CDK17: variants seen among roughly 807,000 people sequenced by gnomAD.
The protein encoded by CDK17 is cyclin dependent kinase 17, also known as cyclin-dependent kinase 17.
Under a neutral mutation model 77.6 loss-of-function variants are expected in CDK17, and 24 were observed. The observed-to-expected ratio is 0.31, with a 90% confidence interval of 0.22 to 0.44. The LOEUF (loss-of-function observed/expected upper bound fraction) is 0.44, where lower values mean the gene tolerates loss of function less well. Ranked by LOEUF, CDK17 falls within the 20% of genes least tolerant of loss-of-function variation. The pLI, the probability that CDK17 is intolerant of heterozygous loss-of-function variation, is 1.00. For missense variants in CDK17, 429 were observed against 622.5 expected (o/e 0.69, Z 3.31); for synonymous variants, 203 against 210.4 (o/e 0.96, Z 0.30).
intron 1 of CDK17, among the ~76,000 whole-genome samples, chr12:96,394,266 A>G (rs74618282): frequency 0.021 from 3,225 of 152,054 alleles, 105 homozygotes; most frequent in African/African-American, 0.074. Context: ...AAAATTTCTC[A>G]CAAGTATTTA....
chr12:96,343,416 T>C (rs1008228224), intron 1 of CDK17, among the ~76,000 whole-genome samples: 1 of 152,196 alleles, frequency 6.6e-6, no homozygotes, highest in African/African-American at 2.4e-5. Context: ...GAGAATTTTG[T>C]CCTCCAAAAA....
rs774524581 is a variant in CDK17, at chr12:96,286,774, T to C, written c.1119-13A>G. The C allele has an allele frequency of 2.5e-6, 4 of 1,578,548 alleles. No individual in the cohort carries two copies. Among genetic ancestry groups the C allele is most frequent in the East Asian group, 2.2e-5 (1 of 44,604 alleles). Reference sequence around the variant, plus strand: ...GCAACCAACACCCCTTTAAAATAGATCATGAAAATAATTTAGCAATTCATT... The same window carrying C: ...GCAACCAACACCCCTTTAAAATAGACCATGAAAATAATTTAGCAATTCATT... On this transcript the variant is annotated splice_polypyrimidine_tract_variant and intron_variant, in intron 11 of 16. Coordinates refer to ENST00000261211, the MANE Select transcript of CDK17 (RefSeq NM_002595.5).
intron 1 of CDK17, among the ~76,000 whole-genome samples, chr12:96,361,261 C>G (rs1172330964): frequency 6.6e-6 from 1 of 152,112 alleles, no homozygotes; most frequent in African/African-American, 2.4e-5. Flanking sequence ...AACCATTTGC[C>G]ACTCCTTTTC....
At chr12:96,352,838 CT>C (rs1953331475) in intron 1 of CDK17, among the ~76,000 whole-genome samples, 1 of 152,264 alleles carries the variant, frequency 6.6e-6, no homozygotes, top group Admixed American at 6.5e-5. Context: ...TATTTTGCTA[CT>C]CAAATAGATG....
At chr12:96,341,832 A>G (rs1018060314) in intron 1 of CDK17, among the ~76,000 whole-genome samples, 12 of 152,212 alleles carry the variant, frequency 7.9e-5, no homozygotes, top group African/African-American at 2.9e-4. Context: ...ACTTGCAGTA[A>G]GAAACTCTTT....
rs150281854 is a variant in CDK17 at position 96,349,667 on chromosome 12, T to G, written c.-29-14802A>C. The stretch of plus-strand genomic sequence containing the variant: ...TAAAAACTCACAGCTAATATCGTAT[T>G]CAATGGTGAAAGACTGAAAGCTTTT... On this transcript the variant is annotated intron_variant, in intron 1 of 16. Coordinates refer to ENST00000261211, the MANE Select transcript of CDK17 (RefSeq NM_002595.5). Among the ~76,000 whole-genome samples, 65 of 152,266 alleles carry G rather than the reference T, an allele frequency of 4.3e-4. 1 individual carries two copies. In the East Asian group the frequency reaches 0.012, roughly 28 times the overall value.
At chr12:96,288,795 A>G (rs980265846) in intron 11 of CDK17, among the ~76,000 whole-genome samples, 2 of 152,222 alleles carry the variant, frequency 1.3e-5, no homozygotes, top group Admixed American at 1.3e-4. Context: ...TGATAAAATG[A>G]TAATTTTGTT....
At chr12:96,306,257 T>A (rs949092072) in intron 5 of CDK17, among the ~76,000 whole-genome samples, 4 of 152,210 alleles carry the variant, frequency 2.6e-5, no homozygotes, top group African/African-American at 9.6e-5. Flanking sequence ...CTACTCATTA[T>A]ATATTGCCAT....
At chr12:96,368,732 T>C (rs1020171545) in intron 1 of CDK17, among the ~76,000 whole-genome samples, 1 of 146,400 alleles carries the variant, frequency 6.8e-6, no homozygotes, top group African/African-American at 2.5e-5. Flanking sequence ...ACCATAATAC[T>C]GGCTCCAGAG....
At position 96,400,331 on chromosome 12, in the gene CDK17, G is replaced by C; in HGVS notation, c.-375C>G. ...GGCTGAGACTGTCTGGCCGGGCGCT[G>C]GCTCCTTCTCCGCGGCTCTGCGGCG... is the stretch of plus-strand genomic sequence containing the variant. On this transcript the variant is annotated 5_prime_UTR_variant, in exon 1 of 17. Transcript: ENST00000261211. The C allele has an allele frequency of 2.6e-6, 1 of 388,320 alleles. No individual in the cohort carries two copies. Among genetic ancestry groups the C allele is most frequent in the Non-Finnish European group, 4.6e-6 (1 of 219,520 alleles). The allele number at this position is 388,320 out of a possible 1,614,324, so 24.1% of individuals were successfully genotyped here. A position where few individuals can be genotyped will look rare whatever the true frequency, so the allele number is the denominator to read the frequency against.
At chr12:96,369,739 A>G (rs1473999367) in intron 1 of CDK17, among the ~76,000 whole-genome samples, 1 of 152,176 alleles carries the variant, frequency 6.6e-6, no homozygotes, top group African/African-American at 2.4e-5. Context: ...AGATGGGGCC[A>G]CTGGGCTCCA....
At chr12:96,331,646 T>C (rs719042) in intron 2 of CDK17, among the ~76,000 whole-genome samples, 12,995 of 152,142 alleles carry the variant, frequency 0.085, 752 homozygotes, top group South Asian at 0.22. Flanking sequence ...AGAGATAATA[T>C]CTCATTTGGG....
At chr12:96,398,248 A>G (rs1193299974) in intron 1 of CDK17, among the ~76,000 whole-genome samples, 4 of 152,200 alleles carry the variant, frequency 2.6e-5, no homozygotes, top group Non-Finnish European at 5.9e-5. Context: ...AACATAAAAA[A>G]GAATTTAAGG....
intron 1 of CDK17, chr12:96,335,122 T>G (rs1041566130): frequency 8.0e-6 from 4 of 501,886 alleles, no homozygotes; most frequent in Non-Finnish European, 1.5e-5. Context: ...CAAATAAGTT[T>G]AGAAGGATTG....
At chr12:96,307,020 G>A (rs1952584449) in intron 5 of CDK17, among the ~76,000 whole-genome samples, 1 of 150,470 alleles carries the variant, frequency 6.6e-6, no homozygotes, top group South Asian at 2.2e-4. Context: ...GGCAGGCCAG[G>A]CGCAGGGGCT....
chr12:96,307,867 TCACACACACAGA>T (rs1412747242), intron 5 of CDK17, among the ~76,000 whole-genome samples: 3 of 151,556 alleles, frequency 2.0e-5, no homozygotes, highest in East Asian at 3.9e-4. Flanking sequence ...ACACTCTGTC[TCACACACACAGA>T]CACACACACA....
intron 1 of CDK17, among the ~76,000 whole-genome samples, chr12:96,389,047 T>TTA (rs1954021584): frequency 1.4e-5 from 2 of 141,780 alleles, no homozygotes; most frequent in Admixed American, 7.3e-5. Context: ...TATTATTATT[T>TTA]TTTGAGACAG....
Position 96,311,020 on chromosome 12 carries a change from G to T in CDK17, c.543+32C>A, listed in dbSNP as rs757989291. ...AAGCAGCAAACAAGCAGATCTGATT[G>T]ATGGTGGAGGTATAGGAGACCAAAA... On this transcript the variant is annotated intron_variant, in intron 5 of 16. Coordinates refer to ENST00000261211, the MANE Select transcript of CDK17 (RefSeq NM_002595.5). 3.2e-6 allele frequency: 5 copies of T among 1,569,890 alleles called. No homozygotes were observed. In the South Asian group the frequency reaches 6.1e-5, roughly 19 times the overall value.
chr12:96,326,413 T>C (rs1287612680), intron 2 of CDK17, among the ~76,000 whole-genome samples: 1 of 152,202 alleles, frequency 6.6e-6, no homozygotes, highest in Non-Finnish European at 1.5e-5. Context: ...TTACACTGTA[T>C]ATTGAGGAAA....
Sources: gnomAD v4.1 joint callset for allele counts (sites outside exome capture counted in the v4.1 genomes callset) on GRCh38, gnomAD v4.1.1 for gene constraint, MANE v1.5 for transcripts, NCBI Gene and HGNC (gene_info 2026-07-23, HGNC 2026-07-21) for gene names.